Variants in HCAR1 observed in about 807,000 individuals in gnomAD.
The protein encoded by HCAR1 is hydroxycarboxylic acid receptor 1.
For missense variants in HCAR1, 445 were observed against 448.7 expected (o/e 0.99, Z 0.07); for synonymous variants, 183 against 182.1 (o/e 1.01, Z -0.04).
Position 122,729,352 on chromosome 12 carries a change from A to C in HCAR1, c.988T>G (p.Phe330Val). Residue 330 changes from phenylalanine (F) to valine (V), a missense_variant, in exon 1 of 1, where the codon TTC becomes GTC. Physicochemically the swap from Phe to Val is conservative, Grantham distance 50 (BLOSUM62 -1). Coordinates refer to ENST00000432564, the MANE Select transcript of HCAR1 (RefSeq NM_032554.4). ...CATTGCCCATCAGACTGGCTTTGGAAACTATTTGCCACACTGATGCAACTC... is the reference window on the plus strand; with the variant it reads ...CATTGCCCATCAGACTGGCTTTGGACACTATTTGCCACACTGATGCAACTC... ...RRSCISVANS[F>V]QSQSDGQWDP... 1 of 1,614,112 alleles carries C rather than the reference A, an allele frequency of 6.2e-7. No individual in the cohort carries two copies. The highest frequency in any genetic ancestry group is 8.5e-7 in the Non-Finnish European group (1 of 1,180,024).
Position 122,729,608 on chromosome 12 carries a change from G to A in HCAR1, c.732C>T (p.Leu244=). ...CGCAGGCACTCGAGGGCACCGTCCA[G>A]AGGAAATAGAGTCTAGCAGACACGC... ...LPSVSARLYF[L]WTVPSSACDP... The change falls in exon 1 of 1, where the codon CTC becomes CTT. Residue 244 remains leucine (L), a synonymous_variant. Transcript: ENST00000432564. The A allele has an allele frequency of 6.2e-7, 1 of 1,614,142 alleles. No individual in the cohort carries two copies. The highest frequency in any genetic ancestry group is 8.5e-7 in the Non-Finnish European group (1 of 1,180,022).
Position 122,730,084 on chromosome 12 carries a change from T to C in HCAR1, c.256A>G (p.Ile86Val). ...GTGAAGAGCCCCACTCGGCAGGGAA[T>C]GTCCCCAAAAGCCCAGTGTCTACGT... ...LRRRHWAFGD[I>V]PCRVGLFTLA... Residue 86 changes from isoleucine (I) to valine (V), a missense_variant, in exon 1 of 1, where the codon ATT (isoleucine) becomes GTT (valine). Coordinates refer to ENST00000432564, the MANE Select transcript of HCAR1 (RefSeq NM_032554.4). The C allele has an allele frequency of 1.2e-6, 2 of 1,614,118 alleles. No homozygotes were observed. Among genetic ancestry groups the C allele is most frequent in the South Asian group, 2.2e-5 (2 of 91,074 alleles).
Position 122,729,006 on chromosome 12 carries a change from C to T in HCAR1, c.*293G>A. 2.3e-6 allele frequency: 1 copy of T among 428,722 alleles called. No homozygotes were observed. Among genetic ancestry groups the T allele is most frequent in the Non-Finnish European group, 4.3e-6 (1 of 234,748 alleles). 26.6% of individuals were successfully genotyped at this position (428,722 alleles called of 1,614,324 possible). ...CAACGAAAATTACACAAGGGCTGTG[C>T]AGTTCCTAGCCCCCCTCCCAACACA... is the stretch of plus-strand genomic sequence containing the variant. On this transcript the variant is annotated 3_prime_UTR_variant, in exon 1 of 1. Coordinates refer to ENST00000432564, the MANE Select transcript of HCAR1 (RefSeq NM_032554.4).
chr12:122,729,979 G>T lies in HCAR1; in HGVS notation c.361C>A (p.His121Asn). ...ADRYFKVVHP[H>N]HAVNTISTRV... ...GTGGAGATAGTGTTCACCGCGTGGTGGGGGTGGACCACTTTGAAATACCTG... is the reference window on the plus strand; with the variant it reads ...GTGGAGATAGTGTTCACCGCGTGGTTGGGGTGGACCACTTTGAAATACCTG... The change falls in exon 1 of 1, where the codon CAC becomes AAC. Residue 121 changes from histidine to asparagine, a missense_variant. His to Asn is a moderately conservative substitution (Grantham distance 68). Coordinates refer to ENST00000432564, the MANE Select transcript of HCAR1 (RefSeq NM_032554.4). The T allele has an allele frequency of 6.2e-7, 1 of 1,613,978 alleles. No homozygotes were observed. Among genetic ancestry groups the T allele is most frequent in the Non-Finnish European group, 8.5e-7 (1 of 1,180,012 alleles).
Position 122,730,041 on chromosome 12 carries a change from G to T in HCAR1, c.299C>A (p.Ala100Asp). ...CACCGTAAGGAACACGATGCTCCCG[G>T]CCCTGTTCATGGCCAACGTGAAGAG... ...VGLFTLAMNR[A>D]GSIVFLTVVA... The change falls in exon 1 of 1, where the codon GCC becomes GAC. Residue 100 changes from alanine to aspartate, a missense_variant. Ala to Asp is a moderately radical substitution (Grantham distance 126). Coordinates refer to ENST00000432564, the MANE Select transcript of HCAR1 (RefSeq NM_032554.4). 1 of 1,614,102 alleles carries T rather than the reference G, an allele frequency of 6.2e-7. No individual in the cohort carries two copies. The highest frequency in any genetic ancestry group is 1.1e-5 in the South Asian group (1 of 91,086).
rs1287117321 is a variant in HCAR1 at position 122,726,988 on chromosome 12, C to T, written c.*2311G>A. On this transcript the variant is annotated 3_prime_UTR_variant, in exon 1 of 1. Coordinates refer to ENST00000432564, the MANE Select transcript of HCAR1 (RefSeq NM_032554.4). ...ATCTCTATATATATCTATATATATGCCAGGCTGGGAGCAGTGGCTCATGCT... is the reference window on the plus strand; with the variant it reads ...ATCTCTATATATATCTATATATATGTCAGGCTGGGAGCAGTGGCTCATGCT... 6.7e-6 allele frequency: 1 copy of T among 150,042 alleles called. No individual in the cohort carries two copies. The highest frequency in any genetic ancestry group is 1.5e-5 in the Non-Finnish European group (1 of 67,718). The allele number at this position is 150,042 out of a possible 1,614,324, so 9.3% of individuals were successfully genotyped here. A position where few individuals can be genotyped will look rare whatever the true frequency, so the allele number is the denominator to read the frequency against.
chr12:122,730,049 C>T lies in HCAR1; in HGVS notation c.291G>A (p.Met97Ile), dbSNP rs1169113055. 1.2e-6 allele frequency: 2 copies of T among 1,614,164 alleles called. No homozygotes were observed. The highest frequency in any genetic ancestry group is 2.2e-5 in the South Asian group (2 of 91,078). Residue 97 changes from methionine (M) to isoleucine (I), a missense_variant, in exon 1 of 1, where the codon ATG becomes ATA. Met to Ile is a conservative substitution (Grantham distance 10). Transcript: ENST00000432564. Reference sequence around the variant, plus strand: ...GGAACACGATGCTCCCGGCCCTGTTCATGGCCAACGTGAAGAGCCCCACTC... The same window carrying T: ...GGAACACGATGCTCCCGGCCCTGTTTATGGCCAACGTGAAGAGCCCCACTC... ...PCRVGLFTLA[M>I]NRAGSIVFLT...
In HCAR1 at chr12:122,728,193, A is replaced by G. The variant is rs7131791; in HGVS notation, c.*1106T>C. Reference sequence around the variant, plus strand: ...AATACGAATTCAGTAAATACTTGGAAAATAAGTGAATAATTTCAATTCACA... The same window carrying G: ...AATACGAATTCAGTAAATACTTGGAGAATAAGTGAATAATTTCAATTCACA... On this transcript the variant is annotated 3_prime_UTR_variant, in exon 1 of 1. Coordinates refer to ENST00000432564, the MANE Select transcript of HCAR1 (RefSeq NM_032554.4). The G allele has an allele frequency of 0.3, 46,364 of 152,140 alleles. 7,371 individuals carry two copies. Among genetic ancestry groups the G allele is most frequent in the Middle Eastern group, 0.34 (101 of 294 alleles). The allele number at this position is 152,140 out of a possible 1,614,324, so 9.4% of individuals were successfully genotyped here. A position where few individuals can be genotyped will look rare whatever the true frequency, so the allele number is the denominator to read the frequency against.
In HCAR1 at chr12:122,729,838, A is replaced by T. The variant is rs776841344; in HGVS notation, c.502T>A (p.Phe168Ile). 1.9e-6 allele frequency: 3 copies of T among 1,610,470 alleles called. No individual in the cohort carries two copies. The South Asian group carries it at 3.3e-5, about 18-fold the overall frequency. The change falls in exon 1 of 1, where the codon TTC (phenylalanine) becomes ATC (isoleucine). Residue 168 changes from phenylalanine to isoleucine, a missense_variant. Coordinates refer to ENST00000432564, the MANE Select transcript of HCAR1 (RefSeq NM_032554.4). ...CAGCCATTGGCCGACTCCATGATGA[A>T]GCTCTCACAGGAGACGGCCGTCTCT... Reference protein sequence around the residue: ...VQETAVSCESFIMESANGWHD... With the variant: ...VQETAVSCESIIMESANGWHD...
rs1877828010 is a variant in HCAR1 at position 122,727,635 on chromosome 12, T to C, written c.*1664A>G. On this transcript the variant is annotated 3_prime_UTR_variant, in exon 1 of 1. Coordinates refer to ENST00000432564, the MANE Select transcript of HCAR1 (RefSeq NM_032554.4). ...GGCATGCGCCACCACACCAGGCTAATTTTGAATTTTTAGTAGAGACGAGGT... is the reference window on the plus strand; with the variant it reads ...GGCATGCGCCACCACACCAGGCTAACTTTGAATTTTTAGTAGAGACGAGGT... The C allele has an allele frequency of 6.6e-6, 1 of 152,172 alleles. No individual in the cohort carries two copies. 9.4% of individuals were successfully genotyped at this position (152,172 alleles called of 1,614,324 possible).
rs965824530 is a variant in HCAR1, at chr12:122,727,946, G to A, written c.*1353C>T. 1.3e-5 allele frequency: 2 copies of A among 152,126 alleles called. No individual in the cohort carries two copies. The highest frequency in any genetic ancestry group is 6.6e-5 in the Admixed American group (1 of 15,260). 9.4% of individuals were successfully genotyped at this position (152,126 alleles called of 1,614,324 possible). On this transcript the variant is annotated 3_prime_UTR_variant, in exon 1 of 1. Coordinates refer to ENST00000432564, the MANE Select transcript of HCAR1 (RefSeq NM_032554.4). The stretch of plus-strand genomic sequence containing the variant: ...GTCATTTCGTAGAGTCCTCTGTTTC[G>A]AGGGGTCCAGGTACACATTTGGGAA...
rs777756646 is a variant in HCAR1 at position 122,729,824 on chromosome 12, C to T, written c.516G>A (p.Ser172=). ...ACATGATGTCATGCCAGCCATTGGC[C>T]GACTCCATGATGAAGCTCTCACAGG... ...AVSCESFIME[S]ANGWHDIMFQ... The change falls in exon 1 of 1, where the codon TCG becomes TCA. Residue 172 remains serine, a synonymous_variant. Transcript: ENST00000432564. 62 of 1,609,570 alleles carry T rather than the reference C, an allele frequency of 3.9e-5. No individual in the cohort carries two copies. In the Middle Eastern group the frequency reaches 5.4e-3, roughly 141 times the overall value.
Position 122,726,642 on chromosome 12 carries a change from G to C in HCAR1, c.*2657C>G, listed in dbSNP as rs944528658. On this transcript the variant is annotated 3_prime_UTR_variant, in exon 1 of 1. Transcript: ENST00000432564. ...AAATCTGCCAGGCTGGGCGGGGTGCGGTGGCTTACACCTGTAATCCAAGCA... is the reference window on the plus strand; with the variant it reads ...AAATCTGCCAGGCTGGGCGGGGTGCCGTGGCTTACACCTGTAATCCAAGCA... The C allele has an allele frequency of 1.3e-5, 2 of 151,706 alleles. No homozygotes were observed. The highest frequency in any genetic ancestry group is 3.9e-4 in the East Asian group (2 of 5,158). The allele number at this position is 151,706 out of a possible 1,614,324, so 9.4% of individuals were successfully genotyped here.
In HCAR1 at chr12:122,729,660, A is replaced by G. The variant is rs369713712; in HGVS notation, c.680T>C (p.Ile227Thr). The part of the protein sequence containing the change: ...KATRFIMVVA[I>T]VFITCYLPSV... ...GGGCAGGTAGCATGTGATGAACACA[A>G]TTGCCACCACCATGATGAACCGGGT... Residue 227 changes from isoleucine (I) to threonine (T), a missense_variant, in exon 1 of 1, where the codon ATT becomes ACT. Physicochemically the swap from Ile to Thr is moderately conservative, Grantham distance 89. Transcript: ENST00000432564. 1 of 1,614,046 alleles carries G rather than the reference A, an allele frequency of 6.2e-7. No individual in the cohort carries two copies.
rs1877819338 is a variant in HCAR1 at position 122,727,344 on chromosome 12, T to G, written c.*1955A>C. 1 of 152,146 alleles carries G rather than the reference T, an allele frequency of 6.6e-6. No homozygotes were observed. The highest frequency in any genetic ancestry group is 2.4e-5 in the African/African-American group (1 of 41,424). 9.4% of individuals were successfully genotyped at this position (152,146 alleles called of 1,614,324 possible). Reference sequence around the variant, plus strand: ...AAATGCTTGAGCTGAGATTCAAACTTCGATGCTTCTAATGCTCTATAGCTC... The same window carrying G: ...AAATGCTTGAGCTGAGATTCAAACTGCGATGCTTCTAATGCTCTATAGCTC... On this transcript the variant is annotated 3_prime_UTR_variant, in exon 1 of 1. Coordinates refer to ENST00000432564, the MANE Select transcript of HCAR1 (RefSeq NM_032554.4).
In HCAR1 at chr12:122,729,528, C is replaced by T. The variant is rs763083142; in HGVS notation, c.812G>A (p.Ser271Asn). ...HITLSFTYMN[S>N]MLDPLVYYFS... ...ATAATACACCAGGGGATCCAGCATG[C>T]TGTTCATGTAGGTGAAGCTGAGGGT... The change falls in exon 1 of 1, where the codon AGC becomes AAC. Residue 271 changes from serine to asparagine, a missense_variant. Transcript: ENST00000432564. 1 of 1,613,942 alleles carries T rather than the reference C, an allele frequency of 6.2e-7. No individual in the cohort carries two copies. Among genetic ancestry groups the T allele is most frequent in the Non-Finnish European group, 8.5e-7 (1 of 1,180,026 alleles).
At position 122,729,675 on chromosome 12, in the gene HCAR1, A is replaced by G. The variant is rs1877884988; in HGVS notation, c.665T>C (p.Ile222Thr). Residue 222 changes from isoleucine (I) to threonine (T), a missense_variant, in exon 1 of 1, where the codon ATC becomes ACC. Coordinates refer to ENST00000432564, the MANE Select transcript of HCAR1 (RefSeq NM_032554.4). ...QARMKKATRF[I>T]MVVAIVFITC... ...GATGAACACAATTGCCACCACCATG[A>G]TGAACCGGGTCGCCTTCTTCATCCG... The G allele has an allele frequency of 6.2e-7, 1 of 1,613,944 alleles. No homozygotes were observed. Among genetic ancestry groups the G allele is most frequent in the Admixed American group, 1.7e-5 (1 of 59,986 alleles).
In HCAR1 at chr12:122,730,073, T is replaced by G. The variant is rs779462480; in HGVS notation, c.267A>C (p.Arg89=). ...TCATGGCCAACGTGAAGAGCCCCAC[T>G]CGGCAGGGAATGTCCCCAAAAGCCC... ...RHWAFGDIPC[R]VGLFTLAMNR... is the part of the protein sequence containing the mutation. The change falls in exon 1 of 1, where the codon CGA becomes CGC. Residue 89 remains arginine (R), a synonymous_variant. Coordinates refer to ENST00000432564, the MANE Select transcript of HCAR1 (RefSeq NM_032554.4). The G allele has an allele frequency of 6.2e-6, 10 of 1,614,028 alleles. No individual in the cohort carries two copies. The East Asian group carries it at 2.2e-4, about 36-fold the overall frequency.
rs373136345 is a variant in HCAR1 at position 122,729,590 on chromosome 12, AC to A, written c.749del (p.Ser250MetfsTer13). On this transcript the variant is annotated frameshift_variant, in exon 1 of 1. Transcript: ENST00000432564. LOFTEE classifies it low-confidence loss of function (END_TRUNC). ...RLYFLWTVPS[S>X]ACDPSVHGAL... ...CCCCATGGACAGAGGGATCGCAGGC[AC>A]TCGAGGGCACCGTCCAGAGGAAATA... 9 of 1,613,968 alleles carry A rather than the reference AC, an allele frequency of 5.6e-6. No individual in the cohort carries two copies. The East Asian group carries it at 2.0e-4, about 36-fold the overall frequency.
Sources: allele counts gnomAD v4.1 joint callset, GRCh38; gene constraint gnomAD v4.1.1; transcripts MANE v1.5; gene names NCBI Gene and HGNC (gene_info 2026-07-23, HGNC 2026-07-21).